Variants in POM121 observed in about 807,000 individuals in gnomAD.
POM121 encodes the protein POM121 transmembrane nucleoporin.
POM121 carries 32 observed loss-of-function variants against 81.3 expected under a neutral mutation model. The ratio of observed to expected loss-of-function variants is 0.39; its 90% CI spans 0.30 to 0.53. The LOEUF is 0.53. POM121 is among the 20% of genes least tolerant of loss of function. POM121 has a pLI of 0.66. For synonymous variants in POM121, 514 were observed against 694.2 expected (o/e 0.74, Z 4.08); for missense variants, 1,138 against 1,614.6 (o/e 0.70, Z 5.06).
intron 1 of POM121, among the ~76,000 whole-genome samples, chr7:72,887,661 T>C (rs1211836428): frequency 6.6e-6 from 1 of 152,052 alleles, no homozygotes; most frequent in East Asian, 1.9e-4. Flanking sequence ...ACCCCATCTC[T>C]ACTAAAAATA....
chr7:72,901,131 A>G (rs189888612), intron 3 of POM121, among the ~76,000 whole-genome samples: 40 of 151,628 alleles, frequency 2.6e-4, no homozygotes, highest in Admixed American at 1.8e-3. Flanking sequence ...GACTACAGGT[A>G]TGCGCCACCA....
At chr7:72,921,165 C>T (rs1312739265), upstream of POM121, among the ~76,000 whole-genome samples, 8 of 152,066 alleles carry the variant, frequency 5.3e-5, no homozygotes, top group Non-Finnish European at 8.8e-5. Context: ...ACCTGGGCAA[C>T]GAGCAACAGG....
intron 3 of POM121, among the ~76,000 whole-genome samples, chr7:72,897,634 T>G (rs1792096599): frequency 6.6e-6 from 1 of 152,206 alleles, no homozygotes; most frequent in South Asian, 2.1e-4. Flanking sequence ...ACAGGGGTCC[T>G]GGTTATAAGG....
At chr7:72,886,183 ATTTATTTT>A (rs1162643926) in intron 1 of POM121, among the ~76,000 whole-genome samples, 8 of 151,022 alleles carry the variant, frequency 5.3e-5, no homozygotes, top group African/African-American at 1.2e-4. Flanking sequence ...TTATTTATTT[ATTTATTTT>A]GAGACAGAGT....
chr7:72,926,308 C>T lies in POM121; in HGVS notation c.691C>T (p.Arg231Cys). 3 of 1,594,294 alleles carry T rather than the reference C, an allele frequency of 1.9e-6. No individual in the cohort carries two copies. The highest frequency in any genetic ancestry group is 2.6e-6 in the Non-Finnish European group (3 of 1,169,774). Residue 231 changes from arginine to cysteine, a missense_variant, in exon 2 of 13, where the codon CGC (arginine) becomes TGC (cysteine). Arg to Cys is a radical substitution (Grantham distance 180). Around this residue, in one of 7 missense-constraint regions of POM121, gnomAD observed 646 missense variants for 633.5 expected, o/e 1.02. Coordinates refer to ENST00000434423, the MANE Select transcript of POM121 (RefSeq NM_001387691.1). Reference protein sequence around the residue: ...PNRFVITPRRRYPIHQAQYSC... With the variant: ...PNRFVITPRRCYPIHQAQYSC... ...TCGGTTTGTAATAACACCTAGAAGA[C>T]GCTATCCGATCCATCAGGCCCAGTA...
chr7:72,937,680 C>T (rs1197941966), intron 5 of POM121, among the ~76,000 whole-genome samples: 5 of 152,266 alleles, frequency 3.3e-5, no homozygotes, highest in East Asian at 1.9e-4. Context: ...GTAGGAAAGA[C>T]GGTCTGAGGT....
chr7:72,886,951 G>A lies in POM121; in HGVS notation c.-520-3676G>A, dbSNP rs112366383. On this transcript the variant is annotated intron_variant, in intron 1 of 15. Coordinates refer to the POM121 transcript ENST00000395270. ...TGGGTTTATGGTGTCATCACTTGGG[G>A]GAACATTTTTATCATTATCTCTTCA... Among the ~76,000 whole-genome samples, 810 of 151,402 alleles carry A rather than the reference G, an allele frequency of 5.3e-3. 6 individuals carry two copies. The highest frequency in any genetic ancestry group is 0.019 in the African/African-American group (773 of 41,266).
intron 4 of POM121, 114 bp from the exon 5 acceptor site, chr7:72,929,826 T>C: frequency 2.9e-6 from 4 of 1,366,640 alleles, no homozygotes; most frequent in Non-Finnish European, 2.9e-6. Context: ...CAGTAAAAAT[T>C]AAAAGCATTA....
chr7:72,886,831 T>G (rs1214221289), intron 1 of POM121, among the ~76,000 whole-genome samples: 1 of 151,548 alleles, frequency 6.6e-6, no homozygotes, highest in African/African-American at 2.4e-5. Flanking sequence ...TGTTTTAAAC[T>G]TTTTATCACT....
intron 3 of POM121, among the ~76,000 whole-genome samples, chr7:72,902,821 C>G (rs1205731261): frequency 1.3e-5 from 2 of 152,136 alleles, no homozygotes; most frequent in Non-Finnish European, 2.9e-5. Flanking sequence ...TGAGCCACTG[C>G]CCCTCACCTG....
At position 72,939,352 on chromosome 7, in the gene POM121, C is replaced by T; in HGVS notation, c.1384C>T (p.His462Tyr). The T allele has an allele frequency of 1.2e-6, 2 of 1,613,902 alleles. No individual in the cohort carries two copies. The highest frequency in any genetic ancestry group is 2.2e-5 in the East Asian group (1 of 44,888). The change falls in exon 7 of 13, where the codon CAT (histidine) becomes TAT (tyrosine). Residue 462 changes from histidine (H) to tyrosine (Y), a missense_variant. Transcript: ENST00000434423. Reference protein sequence around the residue: ...AKKIREEELCHHSSSSTPLAA... With the variant: ...AKKIREEELCYHSSSSTPLAA... ...TCCTGACAGAGAAGAGGAGCTGTGT[C>T]ATCATTCCAGTTCTTCAACTCCATT...
At chr7:72,924,595 C>T (rs1397704888), upstream of POM121, 1 of 152,982 alleles carries the variant, frequency 6.5e-6, no homozygotes, top group African/African-American at 2.4e-5. Flanking sequence ...CCTAGGCAAC[C>T]ACTAATCTAC....
intron 3 of POM121, 49 bp downstream of exon 3, chr7:72,927,012 T>C (rs1198368269): frequency 1.2e-6 from 2 of 1,613,252 alleles, no homozygotes; most frequent in African/African-American, 2.7e-5. Flanking sequence ...TGGACTCCTA[T>C]GGGATGAGAT....
Position 72,943,183 on chromosome 7 carries a change from T to C in POM121, c.3190T>C (p.Phe1064Leu). Residue 1064 changes from phenylalanine (F) to leucine (L), a missense_variant, in exon 11 of 13, where the codon TTC becomes CTC. Transcript: ENST00000434423. ...QPAFGGSTAV[F>L]FGAATSSGFG... Reference sequence around the variant, plus strand: ...CGCCTTTGGCGGCTCCACTGCTGTCTTCTTCGGTGCAGCCACCAGCTCCGG... The same window carrying C: ...CGCCTTTGGCGGCTCCACTGCTGTCCTCTTCGGTGCAGCCACCAGCTCCGG... 6.2e-7 allele frequency: 1 copy of C among 1,613,334 alleles called. No homozygotes were observed. The highest frequency in any genetic ancestry group is 8.5e-7 in the Non-Finnish European group (1 of 1,179,822).
At chr7:72,938,727 G>A (rs556882315) in intron 6 of POM121, 46 bp downstream of exon 6, 14 of 1,596,334 alleles carry the variant, frequency 8.8e-6, no homozygotes, top group East Asian at 4.5e-5. Flanking sequence ...GTGGACAGGC[G>A]GGGGTGAGGA....
At chr7:72,945,921 G>T (rs1252445310) in intron 12 of POM121, among the ~76,000 whole-genome samples, 3 of 152,126 alleles carry the variant, frequency 2.0e-5, no homozygotes, top group Non-Finnish European at 4.4e-5. Context: ...CCCATGGGAA[G>T]CCAGGTAAAA....
intron 1 of POM121, among the ~76,000 whole-genome samples, chr7:72,886,914 C>T (rs574267402): frequency 6.6e-6 from 1 of 150,978 alleles, no homozygotes; most frequent in Admixed American, 6.6e-5. Flanking sequence ...GATCATTGAA[C>T]TTCTTGGATC....
intron 3 of POM121, among the ~76,000 whole-genome samples, chr7:72,913,373 A>ACCC: frequency 6.6e-6 from 1 of 152,264 alleles, no homozygotes; most frequent in East Asian, 1.9e-4. Context: ...GGAGCCGTGG[A>ACCC]TTAGTTCTTT....
At chr7:72,929,715 G>A (rs1795828562) in intron 4 of POM121, among the ~76,000 whole-genome samples, 1 of 152,234 alleles carries the variant, frequency 6.6e-6, no homozygotes, top group South Asian at 2.1e-4. Context: ...AGATAGGTAT[G>A]CATTTTCCAG....
Sources: gnomAD v4.1 joint callset for allele counts (sites outside exome capture counted in the v4.1 genomes callset) on GRCh38, gnomAD v4.1.1 for gene constraint, gnomAD v4.1.1 regional missense constraint, MANE v1.5 for transcripts, NCBI Gene and HGNC (gene_info 2026-07-23, HGNC 2026-07-21) for gene names.